VRTN: variants seen among roughly 807,000 people sequenced by gnomAD.
VRTN encodes the protein vertebrae development associated, also known as vertnin.
Under a neutral mutation model 18.2 loss-of-function variants are expected in VRTN, and 5 were observed. The observed-to-expected ratio is 0.27, with a 90% CI of 0.14 to 0.58. The LOEUF (loss-of-function observed/expected upper bound fraction) is 0.58. Ranked by LOEUF, VRTN falls within the 20% of genes least tolerant of loss-of-function variation. The pLI, the probability that VRTN is intolerant of heterozygous loss-of-function variation, is 0.91. For missense variants in VRTN, 741 were observed against 939.4 expected (o/e 0.79, Z 2.76); for synonymous variants, 381 against 393.7 (o/e 0.97, Z 0.38).
chr14:74,355,707 T>C (rs543806512), intron 1 of VRTN, among the ~76,000 whole-genome samples: 1 of 151,966 alleles, frequency 6.6e-6, no homozygotes, highest in East Asian at 1.9e-4. Context: ...GCTAACTTTT[T>C]TTTTTGTATT....
At chr14:74,337,178 A>G (rs2085570238) in intron 1 of VRTN, among the ~76,000 whole-genome samples, 2 of 152,096 alleles carry the variant, frequency 1.3e-5, no homozygotes, top group Admixed American at 1.3e-4. Flanking sequence ...CCCAGTCTCT[A>G]CTAAAAATAC....
intron 1 of VRTN, among the ~76,000 whole-genome samples, chr14:74,333,238 C>A (rs1361450395): frequency 6.6e-6 from 1 of 151,768 alleles, no homozygotes; most frequent in African/African-American, 2.4e-5. Flanking sequence ...CAAAAATTAA[C>A]TGGGTGTGGT....
chr14:74,310,094 C>G (rs975897725), intron 1 of VRTN, among the ~76,000 whole-genome samples: 1 of 152,034 alleles, frequency 6.6e-6, no homozygotes, highest in African/African-American at 2.4e-5. Context: ...ATATATTTTG[C>G]AGCTATTAAT....
In VRTN at chr14:74,358,990, T is replaced by TG. The variant is rs1337844401; in HGVS notation, c.*101dup. The TG allele has an allele frequency of 1.4e-5, 20 of 1,477,002 alleles. No individual in the cohort carries two copies. The East Asian group carries it at 4.5e-4, about 34-fold the overall frequency. 91.5% of individuals were successfully genotyped at this position (1,477,002 alleles called of 1,614,324 possible). A position where few individuals can be genotyped will look rare whatever the true frequency, so the allele number is the denominator to read the frequency against. Reference sequence around the variant, plus strand: ...GGCTTGGCCAGGATGTCCTTTGCTCTGGGTCCCACAGTGTCTACCCTAAGT... The same window carrying TG: ...GGCTTGGCCAGGATGTCCTTTGCTCTGGGGTCCCACAGTGTCTACCCTAAGT... On this transcript the variant is annotated 3_prime_UTR_variant, in exon 2 of 2. Coordinates refer to ENST00000256362, the MANE Select transcript of VRTN (RefSeq NM_018228.3). The surrounding 1 kb of genome is among the most constrained non-coding windows in gnomAD (Gnocchi z 5.4).
chr14:74,311,643 C>T (rs552014386), intron 1 of VRTN, among the ~76,000 whole-genome samples: 13 of 152,130 alleles, frequency 8.5e-5, no homozygotes, highest in East Asian at 3.9e-4. Flanking sequence ...TTCCTGACCT[C>T]GGGTGATCTG....
chr14:74,332,149 C>A (rs2085530163), intron 1 of VRTN, among the ~76,000 whole-genome samples: 1 of 151,874 alleles, frequency 6.6e-6, no homozygotes, highest in African/African-American at 2.4e-5. Flanking sequence ...GGGTTTTGGA[C>A]CTTTGTTCTG....
rs370361590 is a variant in VRTN at position 74,356,962 on chromosome 14, C to T, written c.179C>T (p.Ser60Leu). ...GPGLQVLEVD[S>L]VALSLYPEDA... ...GGCCTCCAGGTGCTGGAAGTGGACT[C>T]GGTGGCCCTGAGCCTGTATCCAGAA... Residue 60 changes from serine (S) to leucine (L), a missense_variant, in exon 2 of 2, where the codon TCG (serine) becomes TTG (leucine). Ser to Leu is a moderately radical substitution (Grantham distance 145). Coordinates refer to ENST00000256362, the MANE Select transcript of VRTN (RefSeq NM_018228.3). 1.2e-5 allele frequency: 20 copies of T among 1,613,566 alleles called. No homozygotes were observed. The highest frequency in any genetic ancestry group is 5.5e-5 in the South Asian group (5 of 91,002).
chr14:74,358,496 G>T lies in VRTN; in HGVS notation c.1713G>T (p.Glu571Asp). The change falls in exon 2 of 2, where the codon GAG becomes GAT. Residue 571 changes from glutamate to aspartate, a missense_variant. By Grantham distance (45) the Glu-to-Asp change is conservative. Transcript: ENST00000256362. The surrounding 1 kb of genome is among the most constrained non-coding windows in gnomAD (Gnocchi z 5.4). ...CCACCTTGGGCAAAGGGGGGCAGGA[G>T]GCTGAGGAGAAGCAGGAGAAGGAGG... ...PVPTLGKGGQEAEEKQEKEAG... is the reference protein window; with the variant it reads ...PVPTLGKGGQDAEEKQEKEAG... 1 of 1,614,152 alleles carries T rather than the reference G, an allele frequency of 6.2e-7. No individual in the cohort carries two copies. The highest frequency in any genetic ancestry group is 1.7e-5 in the Admixed American group (1 of 60,030).
chr14:74,340,885 G>A (rs1040286674), intron 2 of VRTN, among the ~76,000 whole-genome samples: 1 of 152,096 alleles, frequency 6.6e-6, no homozygotes, highest in African/African-American at 2.4e-5. Flanking sequence ...TGAGTAGCTG[G>A]AGTACGCGCA....
At chr14:74,321,838 ATTAT>A (rs986148866) in intron 1 of VRTN, among the ~76,000 whole-genome samples, 1 of 143,692 alleles carries the variant, frequency 7.0e-6, no homozygotes, top group African/African-American at 2.6e-5. Flanking sequence ...TTTTTATTTT[ATTAT>A]TTATTTATTT....
chr14:74,313,783 C>T (rs1220369525), intron 1 of VRTN, among the ~76,000 whole-genome samples: 1 of 152,118 alleles, frequency 6.6e-6, no homozygotes. Context: ...GAGTTGGAGA[C>T]CAGCCTAGGC....
rs908681230 is a variant in VRTN, at chr14:74,308,797, C to T, written c.-164+5621C>T. Among the ~76,000 whole-genome samples, 520 of 152,074 alleles carry T rather than the reference C, an allele frequency of 3.4e-3. 3 individuals are homozygous for T. The highest frequency in any genetic ancestry group is 0.012 in the African/African-American group (491 of 41,518). ...TCCCAAAGTGCTGAGATTACAGGCG[C>T]GAGCCACTGCACCCTGCTCTTCAAG... On this transcript the variant is annotated intron_variant, in intron 1 of 2. Transcript: ENST00000557177.
At chr14:74,320,873 A>G (rs538533746) in intron 1 of VRTN, among the ~76,000 whole-genome samples, 2 of 139,400 alleles carry the variant, frequency 1.4e-5, no homozygotes, top group East Asian at 4.3e-4. Flanking sequence ...AGCGTGAGCC[A>G]TTGCCTGGCC....
At chr14:74,319,577 T>G (rs779404346) in intron 1 of VRTN, among the ~76,000 whole-genome samples, 12 of 147,060 alleles carry the variant, frequency 8.2e-5, no homozygotes, top group Non-Finnish European at 1.5e-4. Flanking sequence ...AAAGAACAGA[T>G]TATGTGTGAG....
At position 74,358,110 on chromosome 14, in the gene VRTN, G is replaced by T; in HGVS notation, c.1327G>T (p.Ala443Ser). 6.2e-7 allele frequency: 1 copy of T among 1,614,134 alleles called. No individual in the cohort carries two copies. Among genetic ancestry groups the T allele is most frequent in the South Asian group, 1.1e-5 (1 of 91,076 alleles). The change falls in exon 2 of 2, where the codon GCC becomes TCC. Residue 443 changes from alanine to serine, a missense_variant. Physicochemically the swap from Ala to Ser is moderately conservative, Grantham distance 99. This residue lies in a region of VRTN where 494 missense variants were observed against 546.5 expected (regional missense o/e 0.90). Transcript: ENST00000256362. The surrounding 1 kb of genome is among the most constrained non-coding windows in gnomAD (Gnocchi z 5.4). ...RSTYYNWRRK[A>S]LRRNPSFKPA... is the part of the protein sequence containing the mutation. Reference sequence around the variant, plus strand: ...CACTTATTATAATTGGCGGCGAAAGGCCCTCCGGAGGAACCCCAGCTTCAA... The same window carrying T: ...CACTTATTATAATTGGCGGCGAAAGTCCCTCCGGAGGAACCCCAGCTTCAA...
Position 74,359,281 on chromosome 14 carries a change from A to C in VRTN, c.*389A>C, listed in dbSNP as rs2085763261. On this transcript the variant is annotated 3_prime_UTR_variant, in exon 2 of 2. Transcript: ENST00000256362. ...GCTTTCAGCTTTTCCTGGAGACAAA[A>C]GGAGTGTTATAGCATGATCATCGGT... 1 of 200,902 alleles carries C rather than the reference A, an allele frequency of 5.0e-6. No individual in the cohort carries two copies. Among genetic ancestry groups the C allele is most frequent in the Non-Finnish European group, 1.1e-5 (1 of 89,128 alleles). 12.4% of individuals were successfully genotyped at this position (200,902 alleles called of 1,614,324 possible). A position where few individuals can be genotyped will look rare whatever the true frequency, so the allele number is the denominator to read the frequency against.
At chr14:74,349,050 G>A (rs1425754806) in intron 1 of VRTN, among the ~76,000 whole-genome samples, 1 of 152,174 alleles carries the variant, frequency 6.6e-6, no homozygotes, top group Non-Finnish European at 1.5e-5. Flanking sequence ...ACCTTAAGGG[G>A]CAACCGGGAG....
chr14:74,345,717 A>G (rs1312135033), upstream of VRTN, among the ~76,000 whole-genome samples: 1 of 150,536 alleles, frequency 6.6e-6, no homozygotes, highest in East Asian at 2.0e-4. Context: ...TGTGGTCAGG[A>G]GTTCGAGACC....
At chr14:74,335,172 T>C (rs2085555707) in intron 1 of VRTN, among the ~76,000 whole-genome samples, 1 of 152,052 alleles carries the variant, frequency 6.6e-6, no homozygotes, top group Admixed American at 6.6e-5. Context: ...TCCCAGTTAC[T>C]AGGGAGGCTG....
Sources: gnomAD v4.1 joint callset for allele counts (sites outside exome capture counted in the v4.1 genomes callset) on GRCh38, gnomAD v4.1.1 for gene constraint, gnomAD v4.1.1 regional missense constraint, Gnocchi (gnomAD v3.1) non-coding constraint, MANE v1.5 for transcripts, NCBI Gene and HGNC (gene_info 2026-07-23, HGNC 2026-07-21) for gene names.